KCNB2: variants seen among roughly 807,000 people sequenced by gnomAD.
The protein encoded by KCNB2 is delayed rectifier potassium channel protein.
Under a neutral mutation model 61.5 loss-of-function variants are expected in KCNB2, and 15 were observed. The observed-to-expected ratio is 0.24, with a 90% confidence interval of 0.16 to 0.38. The LOEUF is 0.38. Among genes scored for constraint, KCNB2 ranks in the 10% least tolerant of loss-of-function variants. The pLI, the probability that KCNB2 is intolerant of heterozygous loss-of-function variation, is 1.00. For missense variants in KCNB2, 828 were observed against 1,125.2 expected (o/e 0.74, Z 3.78); for synonymous variants, 457 against 446.0 (o/e 1.02, Z -0.31).
At chr8:72,623,589 G>A (rs775604585) in intron 2 of KCNB2, among the ~76,000 whole-genome samples, 4 of 152,206 alleles carry the variant, frequency 2.6e-5, no homozygotes, top group African/African-American at 4.8e-5. Context: ...TAGGTTATCA[G>A]GGGAAAATAT....
chr8:72,897,311 A>G (rs1806008315), intron 2 of KCNB2, among the ~76,000 whole-genome samples: 2 of 152,172 alleles, frequency 1.3e-5, no homozygotes, highest in South Asian at 2.1e-4. Context: ...CGTATGCACA[A>G]TAAAACTGAG....
chr8:72,550,888 G>A (rs960133960), intron 1 of KCNB2, among the ~76,000 whole-genome samples: 1 of 152,208 alleles, frequency 6.6e-6, no homozygotes, highest in African/African-American at 2.4e-5. Flanking sequence ...GATATTTGGA[G>A]ATTCAGACAG....
chr8:72,763,028 C>T (rs1045481730), intron 2 of KCNB2, among the ~76,000 whole-genome samples: 9 of 136,948 alleles, frequency 6.6e-5, no homozygotes, highest in Non-Finnish European at 1.2e-4. Flanking sequence ...TTATCTTCAA[C>T]GAGAACTTTG....
intron 2 of KCNB2, among the ~76,000 whole-genome samples, chr8:72,923,134 G>C (rs1450588082): frequency 6.6e-6 from 1 of 152,032 alleles, no homozygotes; most frequent in African/African-American, 2.4e-5. Flanking sequence ...GGACTGTCTG[G>C]GTTAAGATAA....
intron 2 of KCNB2, among the ~76,000 whole-genome samples, chr8:72,918,514 T>C (rs1806443880): frequency 1.3e-5 from 2 of 152,228 alleles, no homozygotes; most frequent in African/African-American, 4.8e-5. Flanking sequence ...AATAAAAATT[T>C]GATGAAAATA....
intron 2 of KCNB2, among the ~76,000 whole-genome samples, chr8:72,784,270 C>G (rs1808812235): frequency 6.6e-6 from 1 of 152,260 alleles, no homozygotes; most frequent in Middle Eastern, 3.4e-3. Flanking sequence ...CCACAACCCC[C>G]TACTCAACCT....
At chr8:72,574,491 G>A (rs1585760502) in intron 2 of KCNB2, among the ~76,000 whole-genome samples, 1 of 152,232 alleles carries the variant, frequency 6.6e-6, no homozygotes, top group East Asian at 1.9e-4. Context: ...CCTTGCAAGT[G>A]AATATTTTTG....
chr8:72,702,117 A>G (rs573363312), intron 2 of KCNB2, among the ~76,000 whole-genome samples: 1 of 152,322 alleles, frequency 6.6e-6, no homozygotes, highest in Admixed American at 6.5e-5. Context: ...GTCACTGATA[A>G]TGAAGCCAAA....
intron 2 of KCNB2, among the ~76,000 whole-genome samples, chr8:72,886,677 G>C (rs965531854): frequency 6.6e-6 from 1 of 152,176 alleles, no homozygotes; most frequent in African/African-American, 2.4e-5. Flanking sequence ...AGCTGGCCTC[G>C]ACACTACGTA....
intron 2 of KCNB2, among the ~76,000 whole-genome samples, chr8:72,912,331 TGGATGAAATAACTAACTTCA>T (rs1585970772): frequency 3.3e-5 from 5 of 151,952 alleles, no homozygotes. Flanking sequence ...ATACATGAGG[TGGATGAAATAACTAACTTCA>T]GGGAAAAGGC....
intron 2 of KCNB2, among the ~76,000 whole-genome samples, chr8:72,672,466 T>C (rs139479535): frequency 1.3e-5 from 2 of 152,284 alleles, no homozygotes; most frequent in East Asian, 1.9e-4. Context: ...AATTTGACAA[T>C]TTGACATTAC....
chr8:72,712,954 T>A (rs1358958788), intron 2 of KCNB2, among the ~76,000 whole-genome samples: 1 of 152,194 alleles, frequency 6.6e-6, no homozygotes, highest in African/African-American at 2.4e-5. Context: ...ATTGGGTCAC[T>A]CCCACCCTAA....
At chr8:72,744,170 G>A (rs935584156) in intron 2 of KCNB2, among the ~76,000 whole-genome samples, 1 of 152,174 alleles carries the variant, frequency 6.6e-6, no homozygotes. Flanking sequence ...CCGGGAATAA[G>A]AGAAGACCAA....
intron 1 of KCNB2, among the ~76,000 whole-genome samples, chr8:72,559,596 G>A (rs1806481206): frequency 6.6e-6 from 1 of 152,132 alleles, no homozygotes; most frequent in South Asian, 2.1e-4. Flanking sequence ...ACCAGTGCTA[G>A]GGAAGCAGAG....
chr8:72,741,239 T>G (rs1807953407), intron 2 of KCNB2, among the ~76,000 whole-genome samples: 1 of 152,162 alleles, frequency 6.6e-6, no homozygotes, highest in Non-Finnish European at 1.5e-5. Context: ...GTGAACTACC[T>G]GCAGTTTCTA....
intron 2 of KCNB2, among the ~76,000 whole-genome samples, chr8:72,705,967 T>C (rs1318639454): frequency 6.6e-6 from 1 of 152,148 alleles, no homozygotes; most frequent in Non-Finnish European, 1.5e-5. Flanking sequence ...TGCTACTATA[T>C]GGAGAGTTGG....
At chr8:72,649,460 G>A (rs1176593074) in intron 2 of KCNB2, among the ~76,000 whole-genome samples, 16 of 152,104 alleles carry the variant, frequency 1.1e-4, no homozygotes, top group Non-Finnish European at 1.5e-5. Context: ...GGGAGGAAGG[G>A]AGGAAGGGTT....
intron 2 of KCNB2, among the ~76,000 whole-genome samples, chr8:72,671,637 G>A (rs1205744095): frequency 1.3e-5 from 2 of 152,124 alleles, no homozygotes; most frequent in Non-Finnish European, 2.9e-5. Context: ...CCTGTATCTA[G>A]TTTCTCTTTC....
intron 2 of KCNB2, among the ~76,000 whole-genome samples, chr8:72,717,916 T>A (rs1807473961): frequency 1.3e-5 from 2 of 152,166 alleles, no homozygotes; most frequent in Admixed American, 6.5e-5. Context: ...CCTCCTCATC[T>A]GACAAAGGGC....
Sources: gnomAD v4.1 joint callset for allele counts (sites outside exome capture counted in the v4.1 genomes callset) on GRCh38, gnomAD v4.1.1 for gene constraint, MANE v1.5 for transcripts, NCBI Gene and HGNC (gene_info 2026-07-23, HGNC 2026-07-21) for gene names.